The following PLA2G2A variants were observed in gnomAD, a reference collection of about 807,000 sequenced individuals.
The protein encoded by PLA2G2A is phospholipase A2 group IIA, also known as phospholipase A2, membrane associated.
In PLA2G2A, 6 loss-of-function variants were observed where a neutral mutation model predicts 11.2. That is an observed-to-expected ratio of 0.54 (90% CI 0.29 to 1.06). PLA2G2A has a LOEUF of 1.06. PLA2G2A is among the 50% of genes least tolerant of loss of function. The pLI, the probability that PLA2G2A is intolerant of heterozygous loss-of-function variation, is 0.08. For missense variants in PLA2G2A, 133 were observed against 177.1 expected, an observed-to-expected ratio of 0.75 and a Z score of 1.41; for synonymous variants, 69 against 65.8, an observed-to-expected ratio of 1.05 and a Z score of -0.23.
chr1:19,978,993 ACACACACAAC>A, intron 1 of PLA2G2A, 114 bp from the exon 2 acceptor site: 1 of 625,922 alleles, frequency 1.6e-6, no homozygotes, highest in Non-Finnish European at 2.9e-6. Flanking sequence ...ACACACACAC[ACACACACAAC>A]CACCTCCTGA....
intron 4 of PLA2G2A, among the ~76,000 whole-genome samples, chr1:19,977,454 C>G (rs200280864): frequency 6.6e-6 from 1 of 152,214 alleles, no homozygotes; most frequent in African/African-American, 2.4e-5. Context: ...TCTCTGCCCC[C>G]CTTCCACTTG....
intron 4 of PLA2G2A, among the ~76,000 whole-genome samples, chr1:19,976,401 C>T (rs996352441): frequency 6.6e-6 from 1 of 152,176 alleles, no homozygotes; most frequent in African/African-American, 2.4e-5. Flanking sequence ...TAGACACTGG[C>T]CACGTGGCAT....
chr1:19,975,589 G>T, downstream of PLA2G2A: 1 of 990,896 alleles, frequency 1.0e-6, no homozygotes, highest in Non-Finnish European at 1.6e-6. Flanking sequence ...TGGCCTCTAG[G>T]ATGGGTGAGG....
At chr1:19,977,950 C>T in intron 4 of PLA2G2A, 65 bp downstream of exon 4, 19 of 962,948 alleles carry the variant, frequency 2.0e-5, no homozygotes, top group Non-Finnish European at 2.9e-5. Context: ...TCTTTGGTGC[C>T]CAGCACAGTC....
exon 2 of PLA2G2A, chr1:19,978,875 T>A: frequency 9.2e-7 from 1 of 1,081,866 alleles, no homozygotes; most frequent in Non-Finnish European, 1.4e-6. Context: ...TCCTCCTTGG[T>A]GGCTCTGAGA....
At chr1:19,976,381 A>G (rs2046220113) in intron 4 of PLA2G2A, among the ~76,000 whole-genome samples, 1 of 152,220 alleles carries the variant, frequency 6.6e-6, no homozygotes, top group Non-Finnish European at 1.5e-5. Context: ...GTCTCTTGAC[A>G]TCCCAGGTGT....
At chr1:19,978,212 C>T in intron 3 of PLA2G2A, 91 bp from the exon 4 acceptor site, 1 of 1,341,574 alleles carries the variant, frequency 7.5e-7, no homozygotes, top group Non-Finnish European at 1.1e-6. Context: ...TGGGCAGAGA[C>T]CCAGTGACTT....
chr1:19,980,424 G>C (rs571693688), upstream of PLA2G2A: 1 of 152,382 alleles, frequency 6.6e-6, no homozygotes, highest in African/African-American at 2.4e-5. Flanking sequence ...TTCAGCCTTC[G>C]GGCTGACACT....
chr1:19,978,126 G>A lies in PLA2G2A; in HGVS notation c.186-5C>T. The A allele has an allele frequency of 6.2e-7, 1 of 1,600,918 alleles. No homozygotes were observed. The highest frequency in any genetic ancestry group is 8.6e-7 in the Non-Finnish European group (1 of 1,167,898). ...CAGTCATGAGTGACACAGCAGCTGT[G>A]AGGAGACACCCTGTTGGGGCTCTTG... On this transcript the variant is annotated splice_polypyrimidine_tract_variant and splice_region_variant and intron_variant, in intron 3 of 4. Coordinates refer to ENST00000482011, the Ensembl canonical transcript of PLA2G2A.
At chr1:19,980,406 C>G (rs2046283104), upstream of PLA2G2A, 2 of 152,438 alleles carry the variant, frequency 1.3e-5, no homozygotes, top group Admixed American at 1.3e-4. Context: ...ATCTGTTGCT[C>G]TTTTTCCTTC....
chr1:19,978,148 C>T (rs2046247299), intron 3 of PLA2G2A, 27 bp from the exon 4 acceptor site: 4 of 1,524,784 alleles, frequency 2.6e-6, no homozygotes, highest in Non-Finnish European at 3.6e-6. Flanking sequence ...TGTTGGGGCT[C>T]TTGTCCCACA....
In PLA2G2A at chr1:19,978,052, G is replaced by T. The variant is rs751409999; in HGVS notation, c.255C>A (p.Ser85Arg). The T allele has an allele frequency of 1.9e-6, 3 of 1,613,400 alleles. No homozygotes were observed. The South Asian group carries it at 3.3e-5, about 18-fold the overall frequency. Residue 85 changes from serine (S) to arginine (R), a missense_variant, in exon 4 of 5, where the codon AGC (serine) becomes AGA (arginine). Physicochemically the swap from Ser to Arg is moderately radical, Grantham distance 110. Coordinates refer to ENST00000482011, the Ensembl canonical transcript of PLA2G2A. ...TGCTCCCCGAGTTGCTAAACTTGTA[G>T]CTCAGAAATTTGGTGCCACATCCAC...
intron 1 of PLA2G2A, chr1:19,979,208 C>G (rs1284872429): frequency 8.7e-6 from 2 of 229,332 alleles, no homozygotes; most frequent in South Asian, 1.4e-4. Context: ...ACATAGCTTG[C>G]ATATCCCCAC....
Position 19,978,474 on chromosome 1 carries a change from A to ACGTT in PLA2G2A, c.90_91insAACG (p.Leu31AsnfsTer39). 1 of 1,613,960 alleles carries ACGTT rather than the reference A, an allele frequency of 6.2e-7. No homozygotes were observed. The highest frequency in any genetic ancestry group is 8.5e-7 in the Non-Finnish European group (1 of 1,180,030). On this transcript the variant is annotated frameshift_variant, in exon 3 of 5. Coordinates refer to ENST00000482011, the Ensembl canonical transcript of PLA2G2A. LOFTEE classifies it high-confidence loss of function. Reference sequence around the variant, plus strand: ...AGTGCGGCTTCCTTTCCTGTCGTCAACTTGATCATTCTGTGGAAATTCACC... The same window carrying ACGTT: ...AGTGCGGCTTCCTTTCCTGTCGTCAACGTTCTTGATCATTCTGTGGAAATTCACC...
downstream of PLA2G2A, chr1:19,975,435 T>C (rs1323287612): frequency 1.4e-5 from 7 of 511,014 alleles, no homozygotes; most frequent in Non-Finnish European, 2.1e-5. Context: ...CACATATACA[T>C]GATTTGCTAA....
chr1:19,975,772 T>TG lies in PLA2G2A; in HGVS notation c.363dup (p.Lys122GlnfsTer6). ...TGGTACTTTTTATTGTAGGTCGTCT[T>TG]GTTTCTAGCAAAACAGGTGGCAGCA... On this transcript the variant is annotated frameshift_variant, in exon 5 of 5. Coordinates refer to ENST00000482011, the Ensembl canonical transcript of PLA2G2A. LOFTEE classifies it low-confidence loss of function (END_TRUNC). 6.2e-7 allele frequency: 1 copy of TG among 1,613,848 alleles called. No homozygotes were observed. The highest frequency in any genetic ancestry group is 1.1e-5 in the South Asian group (1 of 91,078).
chr1:19,977,774 T>C (rs1014962116), intron 4 of PLA2G2A, among the ~76,000 whole-genome samples: 2 of 152,218 alleles, frequency 1.3e-5, no homozygotes, highest in Non-Finnish European at 2.9e-5. Context: ...AGACTCAGCT[T>C]AGGGGTCACC....
chr1:19,978,681 G>A, intron 2 of PLA2G2A, 53 bp downstream of exon 2: 1 of 1,600,834 alleles, frequency 6.2e-7, no homozygotes, highest in Non-Finnish European at 8.6e-7. Context: ...GGACAAGAGT[G>A]CTTCCCTTCT....
intron 4 of PLA2G2A, among the ~76,000 whole-genome samples, chr1:19,976,127 C>A (rs2046216079): frequency 6.6e-6 from 1 of 152,188 alleles, no homozygotes; most frequent in Admixed American, 6.5e-5. Flanking sequence ...GTCCAGGAGG[C>A]AAAGCCCTAG....
Sources: gnomAD v4.1 joint callset for allele counts (sites outside exome capture counted in the v4.1 genomes callset) on GRCh38, gnomAD v4.1.1 for gene constraint, MANE v1.5 for transcripts, NCBI Gene and HGNC (gene_info 2026-07-23, HGNC 2026-07-21) for gene names.